Variants in ZSWIM6 observed in about 807,000 individuals in gnomAD.
The protein encoded by ZSWIM6 is zinc finger SWIM-type containing 6.
A neutral mutation model predicts 113.2 loss-of-function variants in ZSWIM6; 9 were observed. That is an observed-to-expected ratio of 0.08 (90% CI 0.05 to 0.14). The LOEUF is 0.14. Ranked by LOEUF, ZSWIM6 falls within the 10% of genes least tolerant of loss-of-function variation. The pLI is 1.00. For synonymous variants in ZSWIM6, 611 were observed against 606.5 expected (o/e 1.01, Z -0.11); for missense variants, 1,162 against 1,552.2 (o/e 0.75, Z 4.22).
intron 1 of ZSWIM6, chr5:61,346,986 T>C (rs1343393999): frequency 6.6e-6 from 1 of 152,234 alleles, no homozygotes; most frequent in Admixed American, 6.5e-5. Context: ...AGGTTTTCAC[T>C]GTTTTCATTA....
intron 7 of ZSWIM6, among the ~76,000 whole-genome samples, chr5:61,527,652 A>T (rs994404362): frequency 6.6e-6 from 1 of 152,218 alleles, no homozygotes; most frequent in Non-Finnish European, 1.5e-5. Context: ...CCTTCAACAC[A>T]TACACAGTCT....
At chr5:61,456,918 A>G (rs1394995921) in intron 1 of ZSWIM6, among the ~76,000 whole-genome samples, 1 of 133,826 alleles carries the variant, frequency 7.5e-6, no homozygotes, top group Admixed American at 7.4e-5. Flanking sequence ...TTTTATTATT[A>G]TTATACTTTA....
intron 1 of ZSWIM6, among the ~76,000 whole-genome samples, chr5:61,469,395 A>G (rs1465405375): frequency 6.6e-6 from 1 of 152,226 alleles, no homozygotes; most frequent in African/African-American, 2.4e-5. Context: ...ATCTTTGATG[A>G]TCTCAGAATA....
intron 1 of ZSWIM6, among the ~76,000 whole-genome samples, chr5:61,416,140 A>G (rs1373832905): frequency 4.6e-5 from 7 of 152,230 alleles, no homozygotes; most frequent in Non-Finnish European, 1.0e-4. Flanking sequence ...AACGAATGGC[A>G]TTCCTTTGTT....
intron 1 of ZSWIM6, among the ~76,000 whole-genome samples, chr5:61,447,129 C>A (rs1235141937): frequency 6.6e-6 from 1 of 152,070 alleles, no homozygotes. Context: ...CTGCTTAGAA[C>A]AGCAGCGTGA....
chr5:61,369,734 C>G (rs143906567), intron 1 of ZSWIM6, among the ~76,000 whole-genome samples: 312 of 152,262 alleles, frequency 2.0e-3, no homozygotes, highest in Middle Eastern at 0.017. Context: ...TACGTGAGAA[C>G]CACCCACCAT....
chr5:61,544,630 C>A lies in ZSWIM6; in HGVS notation c.*313C>A, dbSNP rs755368595. On this transcript the variant is annotated 3_prime_UTR_variant, in exon 14 of 14. Coordinates refer to ENST00000252744, the MANE Select transcript of ZSWIM6 (RefSeq NM_020928.2). ...TGTCAAGTGGCAAAAGTCCACATAG[C>A]TCTCCTGTTTTCTGTATACGTTCAC... The A allele has an allele frequency of 3.2e-5, 5 of 158,486 alleles. No individual in the cohort carries two copies. Among genetic ancestry groups the A allele is most frequent in the Non-Finnish European group, 5.5e-5 (4 of 72,714 alleles). The allele number at this position is 158,486 out of a possible 1,614,324, so 9.8% of individuals were successfully genotyped here.
In ZSWIM6 at chr5:61,436,093, C is replaced by T. The variant is rs565051743; in HGVS notation, c.677-36588C>T. Reference sequence around the variant, plus strand: ...GTGCATGCCTGTAATCCCAGCTACCCGGGAGGCTGAGGCAGGAGAATTGCT... The same window carrying T: ...GTGCATGCCTGTAATCCCAGCTACCTGGGAGGCTGAGGCAGGAGAATTGCT... On this transcript the variant is annotated intron_variant, in intron 1 of 13. Transcript: ENST00000252744. Among the ~76,000 whole-genome samples the T allele has an allele frequency of 8.6e-5, 13 of 151,584 alleles. No individual in the cohort carries two copies. The South Asian group carries it at 2.1e-3, about 24-fold the overall frequency.
chr5:61,456,024 TCA>T (rs1215884257), intron 1 of ZSWIM6, among the ~76,000 whole-genome samples: 3 of 152,074 alleles, frequency 2.0e-5, no homozygotes, highest in South Asian at 2.1e-4. Flanking sequence ...GTCTGTAAAG[TCA>T]CAGTCTTGAA....
chr5:61,342,113 C>G (rs376129947), intron 1 of ZSWIM6, among the ~76,000 whole-genome samples: 10 of 152,040 alleles, frequency 6.6e-5, no homozygotes, highest in African/African-American at 2.2e-4. Flanking sequence ...CTCCTGACCT[C>G]AAGTGATCCA....
At chr5:61,384,958 G>T (rs939829397) in intron 1 of ZSWIM6, among the ~76,000 whole-genome samples, 2 of 152,308 alleles carry the variant, frequency 1.3e-5, no homozygotes, top group Non-Finnish European at 2.9e-5. Flanking sequence ...TACTCAGGAG[G>T]CTGAGGCAGG....
chr5:61,474,129 T>C (rs1413028460), intron 2 of ZSWIM6, among the ~76,000 whole-genome samples: 1 of 152,250 alleles, frequency 6.6e-6, no homozygotes, highest in African/African-American at 2.4e-5. Flanking sequence ...TGGTAACCAC[T>C]GCCTAGTTTT....
At chr5:61,501,559 T>C (rs1748467517) in intron 4 of ZSWIM6, among the ~76,000 whole-genome samples, 1 of 152,232 alleles carries the variant, frequency 6.6e-6, no homozygotes, top group African/African-American at 2.4e-5. Context: ...GTATCCATTG[T>C]CTAAACTGTT....
chr5:61,512,427 T>C (rs1748813843), intron 4 of ZSWIM6, among the ~76,000 whole-genome samples: 1 of 152,138 alleles, frequency 6.6e-6, no homozygotes, highest in Non-Finnish European at 1.5e-5. Flanking sequence ...CTATAAACAT[T>C]CTTGTACAAG....
intron 1 of ZSWIM6, among the ~76,000 whole-genome samples, chr5:61,383,024 T>A (rs1398592621): frequency 1.3e-5 from 2 of 152,192 alleles, no homozygotes; most frequent in East Asian, 3.9e-4. Flanking sequence ...TAATTTCAAA[T>A]CATCGAATCT....
chr5:61,399,230 T>C (rs1256054889), intron 1 of ZSWIM6, among the ~76,000 whole-genome samples: 3 of 135,218 alleles, frequency 2.2e-5, no homozygotes, highest in African/African-American at 9.0e-5. Flanking sequence ...TGGCTGTGTA[T>C]GTTTTTTTTT....
chr5:61,367,822 A>G (rs1390270016), intron 1 of ZSWIM6, among the ~76,000 whole-genome samples: 1 of 152,104 alleles, frequency 6.6e-6, no homozygotes, highest in South Asian at 2.1e-4. Flanking sequence ...TATGAAGTAC[A>G]TTTAAAAGTT....
At chr5:61,373,071 G>T (rs1408844607) in intron 1 of ZSWIM6, among the ~76,000 whole-genome samples, 1 of 151,970 alleles carries the variant, frequency 6.6e-6, no homozygotes, top group Non-Finnish European at 1.5e-5. Flanking sequence ...CAGTTTGGTT[G>T]CATACTTCCA....
At chr5:61,423,249 A>T (rs1377109850) in intron 1 of ZSWIM6, among the ~76,000 whole-genome samples, 2 of 152,156 alleles carry the variant, frequency 1.3e-5, no homozygotes, top group African/African-American at 4.8e-5. Context: ...TCTACTAAAA[A>T]TACAAAAAAT....
Sources: gnomAD v4.1 joint callset for allele counts (sites outside exome capture counted in the v4.1 genomes callset) on GRCh38, gnomAD v4.1.1 for gene constraint, MANE v1.5 for transcripts, NCBI Gene and HGNC (gene_info 2026-07-23, HGNC 2026-07-21) for gene names.